The following BRCA1 variants were observed in gnomAD, a reference collection of about 807,000 sequenced individuals.
BRCA1 encodes the protein BRCA1 DNA repair associated, also known as breast cancer type 1 susceptibility protein.
BRCA1 carries 140 observed loss-of-function variants against 173.7 expected under a neutral mutation model. The observed-to-expected ratio is 0.81, with a 90% confidence interval of 0.70 to 0.93. The LOEUF is 0.93. Among genes scored for constraint, BRCA1 ranks in the 40% least tolerant of loss-of-function variants. The pLI is 0.00. For synonymous variants in BRCA1, 662 were observed against 756.0 expected (o/e 0.88, Z 2.04); for missense variants, 1,983 against 2,172.5 (o/e 0.91, Z 1.73).
At chr17:43,142,197 A>G (rs1229749403) in intron 1 of BRCA1, among the ~76,000 whole-genome samples, 1 of 152,186 alleles carries the variant, frequency 6.6e-6, no homozygotes, top group Admixed American at 6.5e-5. Context: ...TACAGGCGTG[A>G]GCCACTGTGC....
chr17:43,100,682 T>TAAA (rs1344560951), intron 6 of BRCA1, among the ~76,000 whole-genome samples: 1 of 74,426 alleles, frequency 1.3e-5, no homozygotes, highest in Middle Eastern at 5.5e-3. Flanking sequence ...ATATATAATA[T>TAAA]ATATATATAT....
chr17:43,144,445 G>C (rs1228493812), intron 1 of BRCA1, among the ~76,000 whole-genome samples: 3 of 152,084 alleles, frequency 2.0e-5, no homozygotes. Flanking sequence ...TGAACCAGGG[G>C]AGAGGGCACC....
intron 19 of BRCA1, among the ~76,000 whole-genome samples, chr17:43,056,147 TTTAGAGCAGTCCCA>T (rs2051445487): frequency 1.3e-5 from 2 of 152,088 alleles, no homozygotes; most frequent in African/African-American, 2.4e-5. Context: ...TGGTTGGGCC[TTTAGAGCAGTCCCA>T]GCATAAAGTG....
intron 11 of BRCA1, among the ~76,000 whole-genome samples, chr17:43,090,255 C>A (rs1273224205): frequency 2.0e-5 from 3 of 152,148 alleles, no homozygotes; most frequent in African/African-American, 7.2e-5. Flanking sequence ...CTGCAGTAGG[C>A]ATATTCTTAA....
intron 1 of BRCA1, chr17:43,161,066 C>G (rs1487688149): frequency 6.6e-6 from 1 of 152,214 alleles, no homozygotes; most frequent in Non-Finnish European, 1.5e-5. Context: ...TCTTCAACTA[C>G]TTGCCCTTGG....
At chr17:43,056,822 C>G (rs1463115189) in intron 19 of BRCA1, among the ~76,000 whole-genome samples, 1 of 152,164 alleles carries the variant, frequency 6.6e-6, no homozygotes, top group Non-Finnish European at 1.5e-5. Context: ...GACGGGAATC[C>G]AAATTACACA....
At position 43,071,217 on chromosome 17, in the gene BRCA1, G is replaced by T. The variant is rs1060502325; in HGVS notation, c.4697C>A (p.Ser1566Tyr). The change falls in exon 15 of 23, where the codon TCT becomes TAT. Residue 1566 changes from serine (S) to tyrosine (Y), a missense_variant. Ser to Tyr is a moderately radical substitution (Grantham distance 144, BLOSUM62 -2). Coordinates refer to ENST00000357654, the MANE Select transcript of BRCA1 (RefSeq NM_007294.4). ...QDLEGTPYLE[S>Y]GISLFSDDPE... ...GTCATCAGAGAAGAGGCTGATTCCA[G>T]ATTCCAGGTAAGGGGTTCCCTCTGA... is the stretch of plus-strand genomic sequence containing the variant. 1 of 1,614,162 alleles carries T rather than the reference G, an allele frequency of 6.2e-7. No homozygotes were observed. The highest frequency in any genetic ancestry group is 8.5e-7 in the Non-Finnish European group (1 of 1,180,026).
intron 17 of BRCA1, 79 bp downstream of exon 17, chr17:43,063,795 C>G: frequency 8.5e-7 from 1 of 1,181,258 alleles, no homozygotes; most frequent in East Asian, 2.4e-5. Flanking sequence ...CAGCAAAAAC[C>G]TTAGGTGTTA....
chr17:43,127,009 C>T (rs2055898649), upstream of BRCA1, among the ~76,000 whole-genome samples: 2 of 152,174 alleles, frequency 1.3e-5, no homozygotes, highest in Non-Finnish European at 2.9e-5. Context: ...CACTGCCGGC[C>T]CGCCTGCACC....
intron 1 of BRCA1, chr17:43,160,577 A>G (rs2056229960): frequency 6.6e-6 from 1 of 152,134 alleles, no homozygotes; most frequent in African/African-American, 2.4e-5. Context: ...TAGGTCCGGG[A>G]TTGATTTTCA....
At chr17:43,107,698 T>C (rs1329165007) in intron 3 of BRCA1, among the ~76,000 whole-genome samples, 1 of 152,180 alleles carries the variant, frequency 6.6e-6, no homozygotes, top group Non-Finnish European at 1.5e-5. Context: ...ATAATACTTT[T>C]TGTGTTTTTA....
rs59541324 is a variant in BRCA1 at position 43,044,804 on chromosome 17, C to CTT, written c.*872_*873dup. 1.0e-3 allele frequency: 388 copies of CTT among 380,702 alleles called. 2 individuals are homozygous for CTT. The highest frequency in any genetic ancestry group is 3.1e-3 in the African/African-American group (115 of 37,566). 23.6% of individuals were successfully genotyped at this position (380,702 alleles called of 1,614,324 possible). On this transcript the variant is annotated 3_prime_UTR_variant, in exon 23 of 23. Coordinates refer to ENST00000357654, the MANE Select transcript of BRCA1 (RefSeq NM_007294.4). ...AGAAATCTCTTCTAGTTTCATTTTC[C>CTT]TTTTTTTTTTTTTTTTTTTGAGCCA...
rs530787810 is a variant in BRCA1 at position 43,139,979 on chromosome 17, G to A, written c.-19-15864C>T. The A allele has an allele frequency of 2.0e-4, 97 of 489,812 alleles. No homozygotes were observed. The East Asian group carries it at 3.1e-3, about 16-fold the overall frequency. 30.3% of individuals were successfully genotyped at this position (489,812 alleles called of 1,614,324 possible). A position where few individuals can be genotyped will look rare whatever the true frequency, so the allele number is the denominator to read the frequency against. ...TTGGAATTTTCTGCATGATAGGAGC[G>A]TCCTTTGTTCTCATGAGGTGACTCT... On this transcript the variant is annotated intron_variant, in intron 1 of 7. Transcript: ENST00000634433.
intron 1 of BRCA1, among the ~76,000 whole-genome samples, chr17:43,152,595 C>T (rs1238484425): frequency 6.6e-6 from 1 of 152,134 alleles, no homozygotes; most frequent in East Asian, 1.9e-4. Flanking sequence ...TGGCTCACAC[C>T]TGTAATCCCA....
intron 11 of BRCA1, 192 bp from the exon 12 acceptor site, chr17:43,082,767 G>T: frequency 1.6e-6 from 1 of 642,588 alleles, no homozygotes; most frequent in Non-Finnish European, 2.7e-6. Context: ...ATTTCCAAAT[G>T]ATGTTAGTGA....
rs1064793052 is a variant in BRCA1, at chr17:43,124,017, C to A, written c.80G>T (p.Cys27Phe). The change falls in exon 2 of 23, where the codon TGT becomes TTT. Residue 27 changes from cysteine to phenylalanine, a missense_variant and splice_region_variant. By Grantham distance (205) the Cys-to-Phe change is radical. Transcript: ENST00000357654. ...TTAATACACTCTTGTGCTGACTTAC[C>A]AGATGGGACACTCTAAGATTTTCTG... The part of the protein sequence containing the change: ...AMQKILECPI[C>F]LELIKEPVST... 6.2e-7 allele frequency: 1 copy of A among 1,609,790 alleles called. No homozygotes were observed. The highest frequency in any genetic ancestry group is 8.5e-7 in the Non-Finnish European group (1 of 1,176,190).
chr17:43,100,692 T>C (rs1189354717), intron 6 of BRCA1, among the ~76,000 whole-genome samples: 5 of 103,658 alleles, frequency 4.8e-5, no homozygotes, highest in Admixed American at 1.1e-4. Flanking sequence ...TATATATATA[T>C]ATATATATAT....
rs1284573058 is a variant in BRCA1, at chr17:43,151,504, C to CA, written c.-20+18621dup. Among the ~76,000 whole-genome samples the CA allele has an allele frequency of 4.6e-5, 7 of 152,114 alleles. No individual in the cohort carries two copies. In the East Asian group the frequency reaches 5.8e-4, roughly 13 times the overall value. On this transcript the variant is annotated intron_variant, in intron 1 of 7. Coordinates refer to the BRCA1 transcript ENST00000634433. ...GTCTCAAAAAAAACAAAAACAAAAA[C>CA]AAAAAAACCAAAAGAGGATTTTCAG...
chr17:43,052,838 C>T (rs1320685982), intron 19 of BRCA1, among the ~76,000 whole-genome samples: 2 of 148,260 alleles, frequency 1.3e-5, no homozygotes, highest in Non-Finnish European at 3.0e-5. Context: ...CTTACTTTAC[C>T]GCCAGAGTGA....
Sources: allele counts gnomAD v4.1 joint callset (sites outside exome capture counted in the v4.1 genomes callset), GRCh38; gene constraint gnomAD v4.1.1; transcripts MANE v1.5; gene names NCBI Gene and HGNC (gene_info 2026-07-23, HGNC 2026-07-21).